The following SLC24A3 variants were observed in gnomAD, a reference collection of about 807,000 sequenced individuals.
SLC24A3 encodes the protein solute carrier family 24 member 3, also known as sodium/potassium/calcium exchanger 3.
SLC24A3 carries 28 observed loss-of-function variants against 75.8 expected under a neutral mutation model. That is an observed-to-expected ratio of 0.37 (90% confidence interval 0.27 to 0.51). The LOEUF (loss-of-function observed/expected upper bound fraction) is 0.51. SLC24A3 is among the 20% of genes least tolerant of loss of function. SLC24A3 has a pLI of 0.94. For missense variants in SLC24A3, 663 were observed against 847.8 expected (o/e 0.78, Z 2.71); for synonymous variants, 372 against 334.1 (o/e 1.11, Z -1.24).
At chr20:19,450,873 C>T (rs1003174318) in intron 2 of SLC24A3, among the ~76,000 whole-genome samples, 2 of 152,146 alleles carry the variant, frequency 1.3e-5, no homozygotes, top group African/African-American at 4.8e-5. Context: ...TTGGCTCACA[C>T]CTGTAGCCCC....
chr20:19,335,993 T>C (rs1985122840), intron 2 of SLC24A3, among the ~76,000 whole-genome samples: 2 of 152,220 alleles, frequency 1.3e-5, no homozygotes, highest in Non-Finnish European at 2.9e-5. Flanking sequence ...ACATCTCTGG[T>C]ACATAATTGC....
intron 2 of SLC24A3, among the ~76,000 whole-genome samples, chr20:19,396,803 A>G (rs550115257): frequency 2.8e-4 from 43 of 152,322 alleles, no homozygotes; most frequent in African/African-American, 1.0e-3. Flanking sequence ...AGTCATGTCA[A>G]ATCACGGTAA....
chr20:19,690,102 G>A (rs571791429), intron 12 of SLC24A3, among the ~76,000 whole-genome samples: 1 of 146,110 alleles, frequency 6.8e-6, no homozygotes, highest in African/African-American at 2.5e-5. Flanking sequence ...GACTGCCTTT[G>A]TTCCTCAAAA....
chr20:19,558,046 C>A (rs114136182), intron 3 of SLC24A3, among the ~76,000 whole-genome samples: 1 of 151,988 alleles, frequency 6.6e-6, no homozygotes, highest in African/African-American at 2.4e-5. Flanking sequence ...TGAAGCATAA[C>A]CTGCAATAGA....
chr20:19,299,172 C>T (rs567096800), intron 2 of SLC24A3, among the ~76,000 whole-genome samples: 45 of 140,570 alleles, frequency 3.2e-4, no homozygotes, highest in African/African-American at 1.2e-3. Context: ...ATAGTTCTTC[C>T]CCTTCGTGTG....
chr20:19,380,780 A>G (rs1218794788), intron 2 of SLC24A3, among the ~76,000 whole-genome samples: 1 of 152,202 alleles, frequency 6.6e-6, no homozygotes, highest in Non-Finnish European at 1.5e-5. Context: ...CTGATGTCCA[A>G]AATGATTCCA....
At chr20:19,547,798 CATG>C (rs1250237328) in intron 3 of SLC24A3, among the ~76,000 whole-genome samples, 6 of 152,220 alleles carry the variant, frequency 3.9e-5, no homozygotes, top group Non-Finnish European at 8.8e-5. Context: ...GAGAAAAATT[CATG>C]ATGTCTAATA....
At chr20:19,706,778 G>A (rs746176836) in intron 15 of SLC24A3, among the ~76,000 whole-genome samples, 2 of 152,328 alleles carry the variant, frequency 1.3e-5, no homozygotes, top group South Asian at 4.1e-4. Flanking sequence ...AGAAAGCACT[G>A]GAGCCTGACA....
chr20:19,308,197 G>A (rs576300676), intron 2 of SLC24A3, among the ~76,000 whole-genome samples: 1 of 152,230 alleles, frequency 6.6e-6, no homozygotes, highest in South Asian at 2.1e-4. Context: ...AGGGCTATGA[G>A]GTTTTCTAAC....
At chr20:19,423,907 G>A (rs1298808042) in intron 2 of SLC24A3, among the ~76,000 whole-genome samples, 1 of 152,180 alleles carries the variant, frequency 6.6e-6, no homozygotes, top group Non-Finnish European at 1.5e-5. Flanking sequence ...ACCCAAGCCT[G>A]GAGGGGTAGG....
At chr20:19,601,867 C>G (rs2122653902) in intron 6 of SLC24A3, among the ~76,000 whole-genome samples, 1 of 152,210 alleles carries the variant, frequency 6.6e-6, no homozygotes, top group African/African-American at 2.4e-5. Flanking sequence ...GTAGTAGTAG[C>G]ATTAATTTAA....
intron 3 of SLC24A3, among the ~76,000 whole-genome samples, chr20:19,579,579 T>G (rs1303136583): frequency 6.6e-6 from 1 of 152,212 alleles, no homozygotes; most frequent in Non-Finnish European, 1.5e-5. Flanking sequence ...ATGAATTAAT[T>G]TAACATATAA....
chr20:19,448,291 T>A (rs1987420230), intron 2 of SLC24A3, among the ~76,000 whole-genome samples: 1 of 152,254 alleles, frequency 6.6e-6, no homozygotes, highest in African/African-American at 2.4e-5. Flanking sequence ...CTACTATGTA[T>A]CGGGTACTTA....
chr20:19,359,674 A>T (rs1985751976), intron 2 of SLC24A3, among the ~76,000 whole-genome samples: 1 of 152,194 alleles, frequency 6.6e-6, no homozygotes, highest in African/African-American at 2.4e-5. Flanking sequence ...GTAGGTGGTT[A>T]CCCGACAGTC....
chr20:19,621,676 A>T (rs1199387490), intron 6 of SLC24A3, among the ~76,000 whole-genome samples: 1 of 152,168 alleles, frequency 6.6e-6, no homozygotes, highest in Non-Finnish European at 1.5e-5. Flanking sequence ...AAGGACTGGG[A>T]TGGGGCCTGA....
chr20:19,280,785 C>A (rs947092303), intron 1 of SLC24A3, among the ~76,000 whole-genome samples, 174 bp from the exon 2 acceptor site: 1 of 152,168 alleles, frequency 6.6e-6, no homozygotes, highest in Non-Finnish European at 1.5e-5. Flanking sequence ...ACATACACCT[C>A]AAAGTCATCC....
intron 2 of SLC24A3, among the ~76,000 whole-genome samples, chr20:19,501,662 T>C (rs746126807): frequency 1.3e-5 from 2 of 152,228 alleles, no homozygotes; most frequent in Non-Finnish European, 1.5e-5. Context: ...GTCAGAGACA[T>C]TAGAACTGCC....
chr20:19,572,700 C>T (rs2031072412), intron 3 of SLC24A3, among the ~76,000 whole-genome samples: 1 of 152,134 alleles, frequency 6.6e-6, no homozygotes, highest in Non-Finnish European at 1.5e-5. Context: ...CAAACCCCCA[C>T]CCCAAATCCT....
chr20:19,523,660 G>A (rs1218260672), intron 3 of SLC24A3, among the ~76,000 whole-genome samples: 1 of 152,130 alleles, frequency 6.6e-6, no homozygotes, highest in Admixed American at 6.6e-5. Flanking sequence ...CATCTGAGTC[G>A]TAGTCCTGAA....
Sources: allele counts gnomAD v4.1 joint callset (sites outside exome capture counted in the v4.1 genomes callset), GRCh38; gene constraint gnomAD v4.1.1; transcripts MANE v1.5; gene names NCBI Gene and HGNC (gene_info 2026-07-23, HGNC 2026-07-21).